The following LRP1B variants were observed in gnomAD, a reference collection of about 807,000 sequenced individuals.
LRP1B encodes the protein LDL receptor related protein 1B.
Under a neutral mutation model 556.6 loss-of-function variants are expected in LRP1B, and 217 were observed. That is an observed-to-expected ratio of 0.39 (90% CI 0.35 to 0.44). The LOEUF (loss-of-function observed/expected upper bound fraction) is 0.44, where lower values mean the gene tolerates loss of function less well. LRP1B is among the 20% of genes least tolerant of loss of function. The pLI is 1.00. For synonymous variants in LRP1B, 2,047 were observed against 1,865.8 expected (o/e 1.10, Z -2.50); for missense variants, 5,053 against 5,620.8 (o/e 0.90, Z 3.23).
chr2:140,914,119 A>AT (rs1694505200), intron 21 of LRP1B, among the ~76,000 whole-genome samples: 1 of 152,094 alleles, frequency 6.6e-6, no homozygotes, highest in African/African-American at 2.4e-5. Flanking sequence ...CGACTGAAAG[A>AT]TTTTTTTAAA....
In LRP1B at chr2:141,905,772, T is replaced by C. The variant is rs1160512761; in HGVS notation, c.83-95371A>G. Among the ~76,000 whole-genome samples, 43 of 136,976 alleles carry C rather than the reference T, an allele frequency of 3.1e-4. 1 individual carries two copies. The East Asian group carries it at 4.6e-3, about 15-fold the overall frequency. The allele number at this position is 136,976 out of a possible 152,430, so 89.9% of individuals were successfully genotyped here. A position where few individuals can be genotyped will look rare whatever the true frequency, so the allele number is the denominator to read the frequency against. On this transcript the variant is annotated intron_variant, in intron 1 of 90. Coordinates refer to ENST00000389484, the MANE Select transcript of LRP1B (RefSeq NM_018557.3). The stretch of plus-strand genomic sequence containing the variant: ...TGGATCTGGTTTGAATAGATGTGTG[T>C]GTGTGTGTGTGTGTGTGTGTGTGTG...
chr2:140,639,666 T>C (rs1175621704), intron 41 of LRP1B, among the ~76,000 whole-genome samples: 1 of 152,208 alleles, frequency 6.6e-6, no homozygotes, highest in Non-Finnish European at 1.5e-5. Context: ...TTTTTCTCCA[T>C]GCAAGAAGCA....
intron 2 of LRP1B, among the ~76,000 whole-genome samples, chr2:141,590,353 T>C (rs1687293323): frequency 6.6e-6 from 1 of 152,210 alleles, no homozygotes; most frequent in Admixed American, 6.5e-5. Context: ...CCTATTCCTT[T>C]GTGAGACAAA....
chr2:141,556,697 A>G (rs1685971081), intron 2 of LRP1B, among the ~76,000 whole-genome samples: 1 of 151,920 alleles, frequency 6.6e-6, no homozygotes, highest in Admixed American at 6.6e-5. Flanking sequence ...GAGAGTTTAA[A>G]TCAGGTAAAA....
At chr2:140,748,105 AT>A (rs1236175098) in intron 35 of LRP1B, among the ~76,000 whole-genome samples, 32 of 62,806 alleles carry the variant, frequency 5.1e-4, no homozygotes, top group African/African-American at 1.8e-3. Context: ...ATATATATAT[AT>A]ATATATATAT....
intron 1 of LRP1B, among the ~76,000 whole-genome samples, chr2:141,871,829 A>C (rs1357982702): frequency 6.6e-6 from 1 of 152,012 alleles, no homozygotes; most frequent in African/African-American, 2.4e-5. Flanking sequence ...GATGAAAAGA[A>C]GAGGAAATAA....
chr2:140,667,116 G>A (rs915308774), intron 41 of LRP1B, among the ~76,000 whole-genome samples: 2 of 152,144 alleles, frequency 1.3e-5, no homozygotes, highest in Non-Finnish European at 2.9e-5. Flanking sequence ...GTGACCCTAC[G>A]TAACATCTGC....
intron 7 of LRP1B, among the ~76,000 whole-genome samples, chr2:141,079,055 C>A (rs1699861711): frequency 6.6e-6 from 1 of 152,090 alleles, no homozygotes; most frequent in Non-Finnish European, 1.5e-5. Flanking sequence ...CAATTTCCTC[C>A]CAATATTTTT....
intron 2 of LRP1B, among the ~76,000 whole-genome samples, chr2:141,713,087 ATTT>A (rs397870971): frequency 1.4e-5 from 2 of 142,614 alleles, no homozygotes; most frequent in Non-Finnish European, 3.1e-5. Context: ...AAATAATTTC[ATTT>A]TTTTTTTTTT....
chr2:140,606,522 A>T lies in LRP1B; in HGVS notation c.6800-4883T>A, dbSNP rs533500068. On this transcript the variant is annotated intron_variant, in intron 41 of 90. Coordinates refer to ENST00000389484, the MANE Select transcript of LRP1B (RefSeq NM_018557.3). ...AATTGACAAGCTGACCTTAAAATGC[A>T]TATGGAAATACAAGGGACCCAGAAA... 7.2e-5 allele frequency among the ~76,000 whole-genome samples: 11 copies of T among 152,170 alleles called. No individual in the cohort carries two copies. The East Asian group carries it at 1.7e-3, about 24-fold the overall frequency.
At chr2:141,267,579 A>G (rs1200116027) in intron 3 of LRP1B, among the ~76,000 whole-genome samples, 2 of 152,176 alleles carry the variant, frequency 1.3e-5, no homozygotes, top group Non-Finnish European at 2.9e-5. Context: ...TAGAGTTATT[A>G]ATAATAAAAT....
chr2:141,055,503 T>C (rs1206197294), intron 9 of LRP1B, among the ~76,000 whole-genome samples: 2 of 152,102 alleles, frequency 1.3e-5, no homozygotes, highest in South Asian at 2.1e-4. Flanking sequence ...AAAATGTGTT[T>C]ATATTAATTT....
chr2:140,397,678 A>G (rs1684312511), intron 66 of LRP1B, among the ~76,000 whole-genome samples: 1 of 152,110 alleles, frequency 6.6e-6, no homozygotes, highest in South Asian at 2.1e-4. Context: ...TGGCTGTATA[A>G]TATTTCTCTT....
At chr2:140,568,192 C>A (rs1369729005) in intron 43 of LRP1B, among the ~76,000 whole-genome samples, 1 of 71,702 alleles carries the variant, frequency 1.4e-5, no homozygotes, top group African/African-American at 4.2e-5. Flanking sequence ...AGATAATGCA[C>A]CATGGTCCAA....
chr2:140,743,978 A>AAAG (rs1688228973), intron 35 of LRP1B, among the ~76,000 whole-genome samples: 1 of 42,674 alleles, frequency 2.3e-5, no homozygotes, highest in African/African-American at 6.4e-5. Flanking sequence ...AAAAAAAAAA[A>AAAG]AAAAAAAAAA....
intron 7 of LRP1B, among the ~76,000 whole-genome samples, chr2:141,100,941 G>A (rs1458909149): frequency 6.6e-6 from 1 of 152,036 alleles, no homozygotes; most frequent in African/African-American, 2.4e-5. Context: ...TTTTCCAAGA[G>A]TACAGAAAGG....
chr2:141,329,894 TTC>T (rs1390808715), intron 3 of LRP1B, among the ~76,000 whole-genome samples: 2 of 151,932 alleles, frequency 1.3e-5, no homozygotes, highest in Non-Finnish European at 2.9e-5. Context: ...AAACAGGAGG[TTC>T]TCTCTGAATT....
chr2:141,066,672 G>A lies in LRP1B; in HGVS notation c.1014-4399C>T, dbSNP rs190218923. Among the ~76,000 whole-genome samples, 9 of 151,942 alleles carry A rather than the reference G, an allele frequency of 5.9e-5. No individual in the cohort carries two copies. In the East Asian group the frequency reaches 1.4e-3, roughly 23 times the overall value. ...TCCTTTAACTGCATGGTCAGTCCCC[G>A]TCCTTAACTCTTAAATGTTAGTTAT... On this transcript the variant is annotated intron_variant, in intron 7 of 90. Transcript: ENST00000389484.
At chr2:140,532,687 G>T (rs182816509) in intron 47 of LRP1B, among the ~76,000 whole-genome samples, 1 of 151,746 alleles carries the variant, frequency 6.6e-6, no homozygotes, top group East Asian at 1.9e-4. Context: ...GAGCCACCAC[G>T]CCTGGCCCTT....
Sources: gnomAD v4.1 joint callset for allele counts (sites outside exome capture counted in the v4.1 genomes callset) on GRCh38, gnomAD v4.1.1 for gene constraint, MANE v1.5 for transcripts, NCBI Gene and HGNC (gene_info 2026-07-23, HGNC 2026-07-21) for gene names.